FSIP1: variants seen among roughly 807,000 people sequenced by gnomAD.
FSIP1 encodes fibrous sheath-interacting protein 1.
In FSIP1, 65 loss-of-function variants were observed where a neutral mutation model predicts 60.9. The ratio of observed to expected loss-of-function variants is 1.07; its 90% CI spans 0.87 to 1.31. The LOEUF is 1.31. Ranked by LOEUF, FSIP1 falls within the 40% of genes most tolerant of loss-of-function variation. The probability of loss-of-function intolerance (pLI) is 0.00; values close to 1 mark genes in which losing one functional copy is unlikely to be tolerated. For missense variants in FSIP1, 675 were observed against 665.5 expected, an observed-to-expected ratio of 1.01 and a Z score of -0.16; for synonymous variants, 209 against 221.2, an observed-to-expected ratio of 0.94 and a Z score of 0.49.
intron 1 of FSIP1, among the ~76,000 whole-genome samples, chr15:39,779,216 C>CA (rs1261305306): frequency 3.3e-5 from 5 of 151,418 alleles, no homozygotes; most frequent in South Asian, 2.1e-4. Flanking sequence ...ATGCACATAT[C>CA]AAAAAAAATA....
intron 10 of FSIP1, among the ~76,000 whole-genome samples, chr15:39,644,215 G>A (rs1276492578): frequency 6.6e-6 from 1 of 152,106 alleles, no homozygotes; most frequent in Non-Finnish European, 1.5e-5. Flanking sequence ...GCTCATCACA[G>A]CTGAATGCCT....
At chr15:39,612,192 T>C (rs1483508654) in intron 11 of FSIP1, among the ~76,000 whole-genome samples, 1 of 152,148 alleles carries the variant, frequency 6.6e-6, no homozygotes, top group Non-Finnish European at 1.5e-5. Flanking sequence ...CATCACACCC[T>C]ACAGCAAGAA....
intron 10 of FSIP1, among the ~76,000 whole-genome samples, chr15:39,631,908 C>A (rs999763546): frequency 1.3e-5 from 2 of 152,094 alleles, no homozygotes; most frequent in African/African-American, 4.8e-5. Flanking sequence ...CAAAAAAGAG[C>A]CCCCATCTTT....
rs1896672555 is a variant in FSIP1, at chr15:39,738,037, A to T, written c.891+54T>A. Reference sequence around the variant, plus strand: ...TTTATGATACTGGGCCAATAATATTATTTTTTAAAATCTAAATTAAGAAGT... The same window carrying T: ...TTTATGATACTGGGCCAATAATATTTTTTTTTAAAATCTAAATTAAGAAGT... On this transcript the variant is annotated intron_variant, in intron 8 of 11. Transcript: ENST00000350221. 3.0e-6 allele frequency: 3 copies of T among 1,016,336 alleles called. No individual in the cohort carries two copies. In the African/African-American group the frequency reaches 4.9e-5, roughly 17 times the overall value. The allele number at this position is 1,016,336 out of a possible 1,614,324, so 63.0% of individuals were successfully genotyped here. A position where few individuals can be genotyped will look rare whatever the true frequency, so the allele number is the denominator to read the frequency against.
At chr15:39,740,757 A>T (rs1360158343) in intron 6 of FSIP1, among the ~76,000 whole-genome samples, 1 of 152,304 alleles carries the variant, frequency 6.6e-6, no homozygotes, top group East Asian at 1.9e-4. Flanking sequence ...TACAGATATA[A>T]CCATTTAAAA....
chr15:39,675,468 A>C (rs1356109544), intron 10 of FSIP1, among the ~76,000 whole-genome samples: 4 of 152,214 alleles, frequency 2.6e-5, no homozygotes, highest in African/African-American at 9.6e-5. Flanking sequence ...GAAAATGCAG[A>C]AATAAATTTA....
At chr15:39,671,377 C>T (rs1893713217) in intron 10 of FSIP1, among the ~76,000 whole-genome samples, 1 of 151,940 alleles carries the variant, frequency 6.6e-6, no homozygotes, top group Admixed American at 6.6e-5. Context: ...GAAAAGTAAA[C>T]TATCTTTTTA....
At chr15:39,618,310 G>T (rs1248731700) in intron 10 of FSIP1, 65 bp from the exon 11 acceptor site, 1 of 1,282,500 alleles carries the variant, frequency 7.8e-7, no homozygotes. Flanking sequence ...TTTTTGGTAG[G>T]CATCCAGTAA....
At chr15:39,627,441 G>A (rs1454454882) in intron 10 of FSIP1, among the ~76,000 whole-genome samples, 1 of 152,228 alleles carries the variant, frequency 6.6e-6, no homozygotes, top group Non-Finnish European at 1.5e-5. Flanking sequence ...TTCTAGGCTT[G>A]TACAAACCAG....
chr15:39,762,386 C>T lies in FSIP1; in HGVS notation c.559+1435G>A, dbSNP rs144942376. Among the ~76,000 whole-genome samples, 54 of 152,290 alleles carry T rather than the reference C, an allele frequency of 3.5e-4. No individual in the cohort carries two copies. The East Asian group carries it at 4.2e-3, about 12-fold the overall frequency. On this transcript the variant is annotated intron_variant, in intron 5 of 11. Coordinates refer to ENST00000350221, the MANE Select transcript of FSIP1 (RefSeq NM_152597.5). ...CTTCACACAGCCTTCTTCCCTGTGGCTCTATGTCTCTTTGTGTCCTCTCCT... is the reference window on the plus strand; with the variant it reads ...CTTCACACAGCCTTCTTCCCTGTGGTTCTATGTCTCTTTGTGTCCTCTCCT...
At chr15:39,780,246 A>G (rs55633725) in intron 1 of FSIP1, among the ~76,000 whole-genome samples, 5,732 of 152,294 alleles carry the variant, frequency 0.038, 389 homozygotes, top group African/African-American at 0.13. Flanking sequence ...AATTTTGGCC[A>G]GGCGCGGTGG....
Position 39,726,717 on chromosome 15 carries a change from T to C in FSIP1, c.922A>G (p.Lys308Glu). 1 of 1,614,074 alleles carries C rather than the reference T, an allele frequency of 6.2e-7. No homozygotes were observed. Among genetic ancestry groups the C allele is most frequent in the African/African-American group, 1.3e-5 (1 of 75,030 alleles). ...TGGGTGACTGCAAGTTCATATCCTT[T>C]TACTGGGACCACCCAGCCAGACTGA... ...GDQSGWVVPVKGYELAVTQHQ... is the reference protein window; with the variant it reads ...GDQSGWVVPVEGYELAVTQHQ... The change falls in exon 9 of 12, where the codon AAA becomes GAA. Residue 308 changes from lysine (K) to glutamate (E), a missense_variant. Transcript: ENST00000350221.
intron 10 of FSIP1, among the ~76,000 whole-genome samples, chr15:39,661,757 C>T (rs959828850): frequency 4.6e-5 from 7 of 152,188 alleles, no homozygotes; most frequent in Admixed American, 2.6e-4. Context: ...GATACAGCTT[C>T]CTAACCACAC....
intron 10 of FSIP1, among the ~76,000 whole-genome samples, chr15:39,711,942 C>A (rs1001620078): frequency 2.6e-5 from 4 of 151,992 alleles, no homozygotes; most frequent in Admixed American, 2.6e-4. Context: ...CCGCCTCGGC[C>A]TCCCAAAGTG....
At position 39,668,839 on chromosome 15, in the gene FSIP1, G is replaced by A. The variant is rs187465774; in HGVS notation, c.1188+44605C>T. On this transcript the variant is annotated intron_variant, in intron 10 of 11. Coordinates refer to ENST00000350221, the MANE Select transcript of FSIP1 (RefSeq NM_152597.5). ...CCACCCATTTAAAAATAATAAATAC[G>A]TCCACTGCAGCATGATGTTAGTTTG... Among the ~76,000 whole-genome samples, 6 of 152,094 alleles carry A rather than the reference G, an allele frequency of 3.9e-5. No individual in the cohort carries two copies. The East Asian group carries it at 5.8e-4, about 15-fold the overall frequency.
intron 10 of FSIP1, among the ~76,000 whole-genome samples, chr15:39,654,987 A>G (rs1893016206): frequency 6.6e-6 from 1 of 152,212 alleles, no homozygotes; most frequent in Non-Finnish European, 1.5e-5. Flanking sequence ...TCAGTTAAAA[A>G]CATCAAAATA....
At chr15:39,629,037 T>A (rs1055447994) in intron 10 of FSIP1, among the ~76,000 whole-genome samples, 6 of 152,210 alleles carry the variant, frequency 3.9e-5, no homozygotes, top group African/African-American at 1.4e-4. Context: ...AGCAGCCAGA[T>A]GGCCTCTCTT....
chr15:39,631,684 A>G, intron 10 of FSIP1, among the ~76,000 whole-genome samples: 1 of 152,234 alleles, frequency 6.6e-6, no homozygotes, highest in East Asian at 1.9e-4. Context: ...CAAGTCTGAC[A>G]TAGAGGTTTA....
rs1295809903 is a variant in FSIP1, at chr15:39,770,474, T to C, written c.263A>G (p.Asp88Gly). 1.2e-6 allele frequency: 2 copies of C among 1,610,610 alleles called. No individual in the cohort carries two copies. Among genetic ancestry groups the C allele is most frequent in the Non-Finnish European group, 1.7e-6 (2 of 1,179,392 alleles). Residue 88 changes from aspartate to glycine, a missense_variant, in exon 3 of 12, where the codon GAT becomes GGT. By Grantham distance (94) the Asp-to-Gly change is moderately conservative. Transcript: ENST00000350221. The stretch of plus-strand genomic sequence containing the variant: ...ATGTTGAACCAAATCCAGATCTTCA[T>C]CTGATCCCTCTTCAGCCAATTTTAT... Reference protein sequence around the residue: ...EKIKLAEEGSDEDLDLVQHQI... With the variant: ...EKIKLAEEGSGEDLDLVQHQI...
Sources: allele counts gnomAD v4.1 joint callset (sites outside exome capture counted in the v4.1 genomes callset), GRCh38; gene constraint gnomAD v4.1.1; transcripts MANE v1.5; gene names NCBI Gene and HGNC (gene_info 2026-07-23, HGNC 2026-07-21).